The following NICOL1 variants were observed in gnomAD, a reference collection of about 807,000 sequenced individuals.
NICOL1 encodes the protein NELL2 interacting cell ontogeny regulator 1, also known as NELL2-interacting cell ontogeny regulator 1.
chr4:2,042,023 T>G, the NICOL1 span: 1 of 1,472,786 alleles, frequency 6.8e-7, no homozygotes, highest in Non-Finnish European at 8.9e-7. Context: ...ACGCGGAACG[T>G]CTGCCGGTGT....
At chr4:2,039,804 C>T in the NICOL1 span, among the ~76,000 whole-genome samples, 2 of 152,148 alleles carry the variant, frequency 1.3e-5, no homozygotes, top group African/African-American at 2.4e-5. Context: ...CATGCCACTG[C>T]ACTCCAGACT....
the NICOL1 span, chr4:2,041,949 A>G: frequency 1.4e-6 from 2 of 1,450,478 alleles, no homozygotes; most frequent in Non-Finnish European, 9.0e-7. Flanking sequence ...GGTTTCCATG[A>G]CGACGACGTC....
the NICOL1 span, chr4:2,041,969 A>G: frequency 6.9e-7 from 1 of 1,451,842 alleles, no homozygotes; most frequent in Non-Finnish European, 9.0e-7. Context: ...CGGATGGGGA[A>G]CCCGGGCGGG....
the NICOL1 span, among the ~76,000 whole-genome samples, chr4:2,040,618 G>A: frequency 6.6e-6 from 1 of 152,194 alleles, no homozygotes; most frequent in Non-Finnish European, 1.5e-5. Flanking sequence ...GGCTCCGAGT[G>A]GAGAAGAGCG....
the NICOL1 span, chr4:2,043,805 AG>A: frequency 6.8e-7 from 1 of 1,479,984 alleles, no homozygotes; most frequent in Non-Finnish European, 9.2e-7. Flanking sequence ...GTGGAGGCCC[AG>A]GGGAATGCCA....
the NICOL1 span, among the ~76,000 whole-genome samples, chr4:2,040,039 CAGAG>C: frequency 1.6e-4 from 24 of 151,510 alleles, 1 homozygote; most frequent in South Asian, 3.8e-3. Flanking sequence ...GCAAGTATGA[CAGAG>C]AGAGAGAGAC....
the NICOL1 span, chr4:2,042,006 G>C: frequency 1.4e-6 from 2 of 1,470,266 alleles, no homozygotes; most frequent in Non-Finnish European, 1.8e-6. Flanking sequence ...TGCGCGTTGC[G>C]CGCCGGACGC....
the NICOL1 span, among the ~76,000 whole-genome samples, chr4:2,040,489 CGGCGCGTCCCCGGA>C: frequency 6.6e-6 from 1 of 152,172 alleles, no homozygotes; most frequent in South Asian, 2.1e-4. Flanking sequence ...GCCTGCGGCC[CGGCGCGTCCCCGGA>C]GGCACGTCCC....
At chr4:2,040,168 G>A in the NICOL1 span, among the ~76,000 whole-genome samples, 1 of 152,100 alleles carries the variant, frequency 6.6e-6, no homozygotes, top group Non-Finnish European at 1.5e-5. Context: ...GTGCAGTGGT[G>A]TGATCTCAGC....
chr4:2,037,404 T>C, the NICOL1 span, among the ~76,000 whole-genome samples: 1 of 152,188 alleles, frequency 6.6e-6, no homozygotes, highest in Non-Finnish European at 1.5e-5. Context: ...AATACACTTC[T>C]AAATAACTTC....
chr4:2,042,741 C>A, the NICOL1 span: 1 of 1,514,140 alleles, frequency 6.6e-7, no homozygotes, highest in South Asian at 1.2e-5. Context: ...CGCAGGCCGC[C>A]CATGCGTGGA....
At chr4:2,042,083 G>A in the NICOL1 span, 2 of 1,483,410 alleles carry the variant, frequency 1.3e-6, no homozygotes, top group Non-Finnish European at 1.8e-6. Context: ...GGGCGGTGGT[G>A]CGGGCGTCCG....
chr4:2,041,850 C>A, the NICOL1 span: 1 of 859,898 alleles, frequency 1.2e-6, no homozygotes, highest in Non-Finnish European at 1.6e-6. Context: ...CTGGACGCTG[C>A]TCCCGGGGGC....
At chr4:2,040,259 A>G in the NICOL1 span, among the ~76,000 whole-genome samples, 4 of 152,142 alleles carry the variant, frequency 2.6e-5, no homozygotes, top group Admixed American at 6.5e-5. Flanking sequence ...GGCGCGTGCC[A>G]CCATACCCGG....
chr4:2,043,235 G>T, the NICOL1 span, among the ~76,000 whole-genome samples: 1 of 152,166 alleles, frequency 6.6e-6, no homozygotes. Flanking sequence ...GGAATGGGGG[G>T]TCAGGCTGGG....
the NICOL1 span, among the ~76,000 whole-genome samples, chr4:2,039,003 A>C: frequency 6.6e-6 from 1 of 152,270 alleles, no homozygotes; most frequent in Non-Finnish European, 1.5e-5. Context: ...GAAAGCATTA[A>C]ATAAGCGAAA....
the NICOL1 span, among the ~76,000 whole-genome samples, chr4:2,038,189 T>A: frequency 2.9e-5 from 4 of 140,310 alleles, no homozygotes; most frequent in African/African-American, 1.1e-4. Context: ...TTATTTGACA[T>A]GTTTAAATTA....
the NICOL1 span, chr4:2,042,701 T>C: frequency 5.9e-6 from 5 of 854,590 alleles, no homozygotes; most frequent in Non-Finnish European, 9.0e-6. Context: ...TGACCCCCCC[T>C]GCGCCCCCTC....
the NICOL1 span, among the ~76,000 whole-genome samples, chr4:2,036,778 C>G: frequency 6.6e-6 from 1 of 151,986 alleles, no homozygotes; most frequent in Non-Finnish European, 1.5e-5. Flanking sequence ...TTGATGAGAA[C>G]CCGGAAGGAG....
Sources: gnomAD v4.1 joint callset for allele counts (sites outside exome capture counted in the v4.1 genomes callset) on GRCh38, gnomAD v4.1.1 for gene constraint, MANE v1.5 for transcripts, NCBI Gene and HGNC (gene_info 2026-07-23, HGNC 2026-07-21) for gene names.